The following PLCB1 variants were observed in gnomAD, a reference collection of about 807,000 sequenced individuals.
PLCB1 encodes the protein 1-phosphatidylinositol 4,5-bisphosphate phosphodiesterase beta-1.
A neutral mutation model predicts 161.8 loss-of-function variants in PLCB1; 46 were observed. The observed-to-expected ratio is 0.28, with a 90% CI of 0.22 to 0.36. The LOEUF (loss-of-function observed/expected upper bound fraction) is 0.36. Among genes scored for constraint, PLCB1 ranks in the 10% least tolerant of loss-of-function variants. The probability of loss-of-function intolerance (pLI) is 1.00; values close to 1 mark genes in which losing one functional copy is unlikely to be tolerated. For missense variants in PLCB1, 1,016 were observed against 1,472.5 expected (o/e 0.69, Z 5.07); for synonymous variants, 517 against 503.7 (o/e 1.03, Z -0.35).
chr20:8,204,161 G>A (rs1042005188), intron 2 of PLCB1, among the ~76,000 whole-genome samples: 11 of 152,108 alleles, frequency 7.2e-5, no homozygotes, highest in Admixed American at 7.2e-4. Flanking sequence ...ATGACAGGGT[G>A]GGGAAATAAT....
At chr20:8,153,065 A>G (rs1380179643) in intron 2 of PLCB1, among the ~76,000 whole-genome samples, 3 of 152,090 alleles carry the variant, frequency 2.0e-5, no homozygotes, top group Non-Finnish European at 2.9e-5. Context: ...ATTTGTCACC[A>G]CAGAAATGAT....
chr20:8,840,501 A>G (rs1986461104), intron 31 of PLCB1, among the ~76,000 whole-genome samples: 1 of 152,212 alleles, frequency 6.6e-6, no homozygotes, highest in Non-Finnish European at 1.5e-5. Flanking sequence ...TAGGTCTTGC[A>G]GGATGCCTGG....
chr20:8,628,550 AAAAAT>A, intron 4 of PLCB1, 119 bp downstream of exon 4: 1 of 1,021,940 alleles, frequency 9.8e-7, no homozygotes, highest in Non-Finnish European at 1.5e-6. Context: ...AATTTCACCT[AAAAAT>A]AATTCAGCTG....
At chr20:8,424,183 G>A (rs1364523528) in intron 3 of PLCB1, among the ~76,000 whole-genome samples, 2 of 152,102 alleles carry the variant, frequency 1.3e-5, no homozygotes, top group Non-Finnish European at 2.9e-5. Context: ...GTGTAGTGAT[G>A]GATTTACTTC....
At chr20:8,287,283 G>A (rs1374636562) in intron 2 of PLCB1, among the ~76,000 whole-genome samples, 1 of 152,122 alleles carries the variant, frequency 6.6e-6, no homozygotes, top group African/African-American at 2.4e-5. Flanking sequence ...GTAGTAGCCT[G>A]TGATATAATA....
At chr20:8,501,293 G>A (rs1983393162) in intron 3 of PLCB1, among the ~76,000 whole-genome samples, 2 of 152,230 alleles carry the variant, frequency 1.3e-5, no homozygotes, top group South Asian at 4.1e-4. Context: ...CATCCTCGCT[G>A]TCAGATCAGG....
chr20:8,235,389 TATTG>T, intron 2 of PLCB1, among the ~76,000 whole-genome samples: 1 of 152,102 alleles, frequency 6.6e-6, no homozygotes, highest in Non-Finnish European at 1.5e-5. Context: ...AATGTTTTAT[TATTG>T]GAAAATATAT....
chr20:8,713,115 AT>A (rs1979109166), intron 12 of PLCB1, among the ~76,000 whole-genome samples: 2 of 152,032 alleles, frequency 1.3e-5, no homozygotes, highest in African/African-American at 4.8e-5. Flanking sequence ...CAAATAGCTC[AT>A]TTTACTTTTT....
At chr20:8,628,635 A>G in intron 4 of PLCB1, 1 of 565,726 alleles carries the variant, frequency 1.8e-6, no homozygotes. Context: ...GATTTTTTTC[A>G]TAAAGAATAA....
At chr20:8,595,335 G>A (rs1438855195) in intron 3 of PLCB1, among the ~76,000 whole-genome samples, 1 of 145,120 alleles carries the variant, frequency 6.9e-6, no homozygotes, top group Non-Finnish European at 1.5e-5. Context: ...CCACCTATGA[G>A]CGAGAATATG....
At chr20:8,493,136 T>C (rs544526207) in intron 3 of PLCB1, among the ~76,000 whole-genome samples, 276 of 152,264 alleles carry the variant, frequency 1.8e-3, no homozygotes, top group African/African-American at 6.2e-3. Flanking sequence ...TGAATACTCA[T>C]GGGCTGCTCT....
chr20:8,781,397 AACACACACACACACACACAAACACAC>A (rs1983219258), intron 27 of PLCB1, among the ~76,000 whole-genome samples: 3 of 149,540 alleles, frequency 2.0e-5, no homozygotes, highest in African/African-American at 7.5e-5. Context: ...CACACACACA[AACACACACACACACACACAAACACAC>A]ACACACACAC....
intron 4 of PLCB1, among the ~76,000 whole-genome samples, chr20:8,639,533 G>GAGT (rs1270706943): frequency 1.3e-5 from 2 of 152,212 alleles, no homozygotes; most frequent in Non-Finnish European, 2.9e-5. Context: ...AAAAGGAAAA[G>GAGT]AGATCTATAT....
chr20:8,168,717 A>T (rs1276045384), intron 2 of PLCB1, among the ~76,000 whole-genome samples: 2 of 150,308 alleles, frequency 1.3e-5, no homozygotes, highest in Non-Finnish European at 3.0e-5. Flanking sequence ...TTCCTAAATG[A>T]TTTGGAAGTG....
intron 31 of PLCB1, among the ~76,000 whole-genome samples, chr20:8,842,365 G>A (rs1188783671): frequency 6.6e-6 from 1 of 152,084 alleles, no homozygotes; most frequent in Non-Finnish European, 1.5e-5. Context: ...TGTAAGTCTA[G>A]CCTTACAATT....
At chr20:8,429,984 C>A (rs1979963869) in intron 3 of PLCB1, among the ~76,000 whole-genome samples, 1 of 151,866 alleles carries the variant, frequency 6.6e-6, no homozygotes, top group Non-Finnish European at 1.5e-5. Context: ...CTGTGTTAGT[C>A]AGAATTCAGT....
rs2123085329 is a variant in PLCB1 at position 8,179,400 on chromosome 20, G to A, written c.177+29029G>A. ...ATTTTATTCTTTTTTTGTGGCTACTGTGAATGGGATTGCATTATTTATTTG... is the reference window on the plus strand; with the variant it reads ...ATTTTATTCTTTTTTTGTGGCTACTATGAATGGGATTGCATTATTTATTTG... On this transcript the variant is annotated intron_variant, in intron 2 of 31. Coordinates refer to ENST00000338037, the MANE Select transcript of PLCB1 (RefSeq NM_015192.4). Among the ~76,000 whole-genome samples, 4 of 152,148 alleles carry A rather than the reference G, an allele frequency of 2.6e-5. No homozygotes were observed. The South Asian group carries it at 8.3e-4, about 32-fold the overall frequency.
chr20:8,630,624 A>G (rs1988555592), intron 4 of PLCB1, among the ~76,000 whole-genome samples: 1 of 152,202 alleles, frequency 6.6e-6, no homozygotes, highest in Non-Finnish European at 1.5e-5. Flanking sequence ...ATTAATACAG[A>G]AAAAACAGAT....
rs548144712 is a variant in PLCB1, at chr20:8,216,902, C to T, written c.177+66531C>T. Among the ~76,000 whole-genome samples, 17 of 152,172 alleles carry T rather than the reference C, an allele frequency of 1.1e-4. No individual in the cohort carries two copies. The East Asian group carries it at 3.1e-3, about 28-fold the overall frequency. The stretch of plus-strand genomic sequence containing the variant: ...CCAAAACCAAAATAGTGGTGTCAAC[C>T]CACTTCTTTGACATGCCACAACTAG... On this transcript the variant is annotated intron_variant, in intron 2 of 31. Transcript: ENST00000338037.
Sources: allele counts gnomAD v4.1 joint callset (sites outside exome capture counted in the v4.1 genomes callset), GRCh38; gene constraint gnomAD v4.1.1; transcripts MANE v1.5; gene names NCBI Gene and HGNC (gene_info 2026-07-23, HGNC 2026-07-21).